The following JAKMIP2 variants were observed in gnomAD, a reference collection of about 807,000 sequenced individuals.
JAKMIP2 encodes janus kinase and microtubule interacting protein 2.
JAKMIP2 carries 25 observed loss-of-function variants against 115.0 expected under a neutral mutation model. The observed-to-expected ratio is 0.22, with a 90% CI of 0.16 to 0.30. JAKMIP2 has a LOEUF of 0.30. Among genes scored for constraint, JAKMIP2 ranks in the 10% least tolerant of loss-of-function variants. The pLI is 1.00. For synonymous variants in JAKMIP2, 334 were observed against 343.6 expected (o/e 0.97, Z 0.31); for missense variants, 642 against 957.6 (o/e 0.67, Z 4.35).
rs1174304009 is a variant in JAKMIP2, at chr5:147,588,048, A to AT, written c.*3658dup. 1 of 152,006 alleles carries AT rather than the reference A, an allele frequency of 6.6e-6. No individual in the cohort carries two copies. The highest frequency in any genetic ancestry group is 2.4e-5 in the African/African-American group (1 of 41,390). The allele number at this position is 152,006 out of a possible 1,614,324, so 9.4% of individuals were successfully genotyped here. On this transcript the variant is annotated 3_prime_UTR_variant, in exon 22 of 22. Transcript: ENST00000616793. Reference sequence around the variant, plus strand: ...TATAGCATAAGTCAGAAGGGTTGTAATTTTTTTCAGCAAATTCTATTTCCT... The same window carrying AT: ...TATAGCATAAGTCAGAAGGGTTGTAATTTTTTTTCAGCAAATTCTATTTCCT...
At chr5:147,768,587 T>C (rs1449449062) in intron 1 of JAKMIP2, among the ~76,000 whole-genome samples, 1 of 152,152 alleles carries the variant, frequency 6.6e-6, no homozygotes, top group East Asian at 1.9e-4. Context: ...AAATAAGTCA[T>C]GTGAGTTATT....
At chr5:147,750,700 C>T (rs757693557) in intron 1 of JAKMIP2, among the ~76,000 whole-genome samples, 2 of 152,076 alleles carry the variant, frequency 1.3e-5, no homozygotes, top group South Asian at 4.1e-4. Flanking sequence ...CCGATCCCAA[C>T]GTGGCTGTAT....
chr5:147,719,417 C>T (rs1753165474), intron 1 of JAKMIP2, among the ~76,000 whole-genome samples: 1 of 133,440 alleles, frequency 7.5e-6, no homozygotes, highest in Non-Finnish European at 1.6e-5. Context: ...GACTTTCTGT[C>T]TCGTTGATCT....
In JAKMIP2 at chr5:147,733,785, G is replaced by A. The variant is rs185399841; in HGVS notation, c.-149+48671C>T. Reference sequence around the variant, plus strand: ...CAGTTTCATCCATGTCCCTACAAAGGACACAAACTCATCCTTTTTTATGGC... The same window carrying A: ...CAGTTTCATCCATGTCCCTACAAAGAACACAAACTCATCCTTTTTTATGGC... On this transcript the variant is annotated intron_variant, in intron 1 of 21. Transcript: ENST00000616793. 3.6e-3 allele frequency among the ~76,000 whole-genome samples: 542 copies of A among 152,260 alleles called. 5 individuals are homozygous for A. The highest frequency in any genetic ancestry group is 0.012 in the African/African-American group (511 of 41,556).
chr5:147,729,445 A>G (rs1475825163), intron 1 of JAKMIP2, among the ~76,000 whole-genome samples: 1 of 152,088 alleles, frequency 6.6e-6, no homozygotes, highest in African/African-American at 2.4e-5. Flanking sequence ...TATAATTTCA[A>G]AAGGTTAAAG....
chr5:147,745,920 T>C (rs933042525), intron 1 of JAKMIP2, among the ~76,000 whole-genome samples: 1 of 152,188 alleles, frequency 6.6e-6, no homozygotes, highest in African/African-American at 2.4e-5. Context: ...TATAATGTAA[T>C]AGAATAGATG....
intron 1 of JAKMIP2, among the ~76,000 whole-genome samples, chr5:147,771,156 T>C (rs1194898675): frequency 1.3e-5 from 2 of 152,138 alleles, no homozygotes. Context: ...CATGTTTTCA[T>C]TAAAAGGGGA....
chr5:147,746,174 G>C (rs550863942), intron 1 of JAKMIP2, among the ~76,000 whole-genome samples: 1 of 152,278 alleles, frequency 6.6e-6, no homozygotes, highest in East Asian at 1.9e-4. Context: ...GACTCAGCCA[G>C]AGGAAATAGG....
At chr5:147,645,398 G>A (rs900006841) in intron 5 of JAKMIP2, among the ~76,000 whole-genome samples, 4 of 152,106 alleles carry the variant, frequency 2.6e-5, no homozygotes, top group Admixed American at 6.5e-5. Context: ...AGACCACACG[G>A]CCACTAAGTA....
intron 20 of JAKMIP2, among the ~76,000 whole-genome samples, chr5:147,608,835 T>A (rs138808083): frequency 6.6e-6 from 1 of 152,320 alleles, no homozygotes; most frequent in African/African-American, 2.4e-5. Flanking sequence ...CTCTAAGAAC[T>A]TGCTTTATGA....
chr5:147,757,438 A>C (rs897028875), intron 1 of JAKMIP2, among the ~76,000 whole-genome samples: 1 of 152,126 alleles, frequency 6.6e-6, no homozygotes, highest in African/African-American at 2.4e-5. Flanking sequence ...TATCTATAAA[A>C]AGACCTTCGA....
At chr5:147,770,195 C>G (rs988287143) in intron 1 of JAKMIP2, among the ~76,000 whole-genome samples, 3 of 151,926 alleles carry the variant, frequency 2.0e-5, no homozygotes, top group African/African-American at 7.3e-5. Context: ...CTACAACATA[C>G]TGTTTAAAGG....
chr5:147,609,631 G>T (rs1451172100), intron 20 of JAKMIP2, among the ~76,000 whole-genome samples: 2 of 152,108 alleles, frequency 1.3e-5, no homozygotes, highest in East Asian at 3.9e-4. Flanking sequence ...TTTCAACCTT[G>T]CTTAATCTGA....
chr5:147,640,928 T>C (rs1757853758), intron 8 of JAKMIP2, 105 bp from the exon 9 acceptor site: 12 of 917,594 alleles, frequency 1.3e-5, no homozygotes, highest in Non-Finnish European at 1.8e-5. Context: ...ATAGAAGACA[T>C]GGATCCTCTA....
chr5:147,701,035 G>T (rs73271926), intron 1 of JAKMIP2, among the ~76,000 whole-genome samples: 3,917 of 152,194 alleles, frequency 0.026, 195 homozygotes, highest in African/African-American at 0.089. Context: ...AGATTATGTA[G>T]AGTCCTGTAG....
chr5:147,629,542 G>A (rs1757260808), intron 15 of JAKMIP2, 151 bp downstream of exon 15: 2 of 562,776 alleles, frequency 3.6e-6, no homozygotes, highest in Non-Finnish European at 6.2e-6. Flanking sequence ...TAGCCAAGTT[G>A]TTTGATAAAT....
chr5:147,695,684 G>GAC (rs1752077208), intron 1 of JAKMIP2, among the ~76,000 whole-genome samples: 9 of 149,272 alleles, frequency 6.0e-5, no homozygotes, highest in African/African-American at 2.2e-4. Context: ...GTGTGAGAGA[G>GAC]AGAGACAGAG....
intron 1 of JAKMIP2, among the ~76,000 whole-genome samples, chr5:147,718,466 C>T (rs1034347014): frequency 3.3e-5 from 5 of 152,124 alleles, no homozygotes; most frequent in African/African-American, 1.2e-4. Flanking sequence ...AGCTGTGAAT[C>T]CATCTGCTCC....
intron 1 of JAKMIP2, among the ~76,000 whole-genome samples, chr5:147,746,825 T>C (rs1754362239): frequency 6.6e-6 from 1 of 152,238 alleles, no homozygotes; most frequent in South Asian, 2.1e-4. Context: ...GGTGACCTAG[T>C]AGTCCACTGG....
Sources: gnomAD v4.1 joint callset for allele counts (sites outside exome capture counted in the v4.1 genomes callset) on GRCh38, gnomAD v4.1.1 for gene constraint, MANE v1.5 for transcripts, NCBI Gene and HGNC (gene_info 2026-07-23, HGNC 2026-07-21) for gene names.